The following COL24A1 variants were observed in gnomAD, a reference collection of about 807,000 sequenced individuals.
The protein encoded by COL24A1 is collagen type XXIV alpha 1 chain, also known as collagen alpha-1(XXIV) chain.
COL24A1 carries 224 observed loss-of-function variants against 253.9 expected under a neutral mutation model. The ratio of observed to expected loss-of-function variants is 0.88; its 90% confidence interval spans 0.79 to 0.99. The LOEUF (loss-of-function observed/expected upper bound fraction) is 0.99, where lower values mean the gene tolerates loss of function less well. COL24A1 is among the 50% of genes least tolerant of loss of function. The pLI, the probability that COL24A1 is intolerant of heterozygous loss-of-function variation, is 0.00. For synonymous variants in COL24A1, 685 were observed against 673.7 expected, an observed-to-expected ratio of 1.02 and a Z score of -0.26; for missense variants, 2,131 against 2,068.5, an observed-to-expected ratio of 1.03 and a Z score of -0.59.
intron 33 of COL24A1, 132 bp from the exon 34 acceptor site, chr1:85,875,462 G>T: frequency 1.6e-6 from 1 of 642,638 alleles, no homozygotes. Context: ...AAACTTCATA[G>T]CATAAGAGCA....
In COL24A1 at chr1:85,970,272, CT is replaced by C; in HGVS notation, c.2419-2del. The C allele has an allele frequency of 6.3e-7, 1 of 1,581,916 alleles. No homozygotes were observed. The highest frequency in any genetic ancestry group is 8.6e-7 in the Non-Finnish European group (1 of 1,167,592). On this transcript the variant is annotated splice_acceptor_variant, in intron 21 of 59. Coordinates refer to ENST00000370571, the MANE Select transcript of COL24A1 (RefSeq NM_152890.7). LOFTEE classifies it high-confidence loss of function. The stretch of plus-strand genomic sequence containing the variant: ...AGGCTCCAATTGGTCCTTCTTCTCC[CT>C]TAAAAAAAAAAAAAGTCAGAACATA...
chr1:86,042,110 C>T (rs1197717003), intron 12 of COL24A1, among the ~76,000 whole-genome samples: 1 of 152,050 alleles, frequency 6.6e-6, no homozygotes, highest in African/African-American at 2.4e-5. Context: ...TGAGTATACA[C>T]ATACATTGAC....
intron 43 of COL24A1, among the ~76,000 whole-genome samples, chr1:85,836,409 C>T (rs1007703356): frequency 6.6e-6 from 1 of 152,092 alleles, no homozygotes; most frequent in African/African-American, 2.4e-5. Flanking sequence ...TGTATTTTAT[C>T]CTAATAAAGA....
chr1:86,134,213 T>C (rs1649821739), intron 2 of COL24A1, among the ~76,000 whole-genome samples: 2 of 149,854 alleles, frequency 1.3e-5, no homozygotes, highest in African/African-American at 4.9e-5. Flanking sequence ...TATCATTTTT[T>C]ATTGCGTCTA....
chr1:85,788,326 C>T lies in COL24A1; in HGVS notation c.3952-1865G>A, dbSNP rs183956398. 3.5e-3 allele frequency among the ~76,000 whole-genome samples: 535 copies of T among 152,224 alleles called. 1 individual carries two copies. Among genetic ancestry groups the T allele is most frequent in the Admixed American group, 5.4e-3 (82 of 15,284 alleles). On this transcript the variant is annotated intron_variant, in intron 47 of 59. Coordinates refer to ENST00000370571, the MANE Select transcript of COL24A1 (RefSeq NM_152890.7). ...CAGAATGGTCTTGATCTCCTGACCT[C>T]GTGATCCGCCCATCTCGGCCTCCCA...
At chr1:85,864,077 G>C (rs1425473163) in intron 37 of COL24A1, among the ~76,000 whole-genome samples, 1 of 152,080 alleles carries the variant, frequency 6.6e-6, no homozygotes, top group Non-Finnish European at 1.5e-5. Flanking sequence ...TATAAATCAA[G>C]CTGCTATAAA....
At chr1:85,741,791 T>A (rs767182368) in intron 57 of COL24A1, among the ~76,000 whole-genome samples, 2 of 152,244 alleles carry the variant, frequency 1.3e-5, no homozygotes, top group Non-Finnish European at 2.9e-5. Context: ...TTACTGGGAA[T>A]GAAAAGTTCC....
chr1:86,038,401 C>T (rs1307361506), intron 12 of COL24A1, among the ~76,000 whole-genome samples: 1 of 152,104 alleles, frequency 6.6e-6, no homozygotes, highest in African/African-American at 2.4e-5. Context: ...CAATCTTGAG[C>T]AGTTTCTGTC....
intron 28 of COL24A1, among the ~76,000 whole-genome samples, chr1:85,902,593 CCTGGTGTCAAT>C (rs1684423664): frequency 6.6e-6 from 1 of 152,138 alleles, no homozygotes. Context: ...TGTTAATCTG[CCTGGTGTCAAT>C]CTGGTTTCCA....
chr1:85,840,955 G>A (rs1261133551), intron 42 of COL24A1, among the ~76,000 whole-genome samples: 1 of 152,064 alleles, frequency 6.6e-6, no homozygotes, highest in Admixed American at 6.6e-5. Context: ...TGTAAAAGTT[G>A]TTATCATGCC....
Position 85,970,130 on chromosome 1 carries a change from C to A in COL24A1, c.2463+97G>T, listed in dbSNP as rs958671390. 68 of 1,122,892 alleles carry A rather than the reference C, an allele frequency of 6.1e-5. No homozygotes were observed. In the Middle Eastern group the frequency reaches 1.5e-3, roughly 25 times the overall value. 69.6% of individuals were successfully genotyped at this position (1,122,892 alleles called of 1,614,324 possible). A position where few individuals can be genotyped will look rare whatever the true frequency, so the allele number is the denominator to read the frequency against. ...ACTTTAATTTGTTTTCATTTTTGTC[C>A]TTTACTATAATGTAAAATGTTATGA... On this transcript the variant is annotated intron_variant, in intron 22 of 59. Transcript: ENST00000370571.
intron 2 of COL24A1, among the ~76,000 whole-genome samples, chr1:86,129,239 T>A (rs1251379069): frequency 6.6e-6 from 1 of 151,814 alleles, no homozygotes; most frequent in Non-Finnish European, 1.5e-5. Flanking sequence ...AATCTTCACA[T>A]AATAATCCCT....
chr1:86,057,214 A>G (rs1327058339), intron 10 of COL24A1, among the ~76,000 whole-genome samples: 1 of 151,336 alleles, frequency 6.6e-6, no homozygotes, highest in African/African-American at 2.4e-5. Context: ...TTTCTCTCTT[A>G]CTCCCACTCT....
chr1:85,889,071 C>T (rs111481358), intron 32 of COL24A1, among the ~76,000 whole-genome samples: 15 of 152,162 alleles, frequency 9.9e-5, no homozygotes, highest in African/African-American at 3.1e-4. Flanking sequence ...ATTTATGAAA[C>T]TATTTCATAA....
intron 1 of COL24A1, among the ~76,000 whole-genome samples, chr1:86,151,043 T>G (rs193263520): frequency 7.2e-4 from 109 of 151,332 alleles, no homozygotes; most frequent in African/African-American, 2.4e-3. Context: ...TATATATAGG[T>G]GTGTGTGTGT....
chr1:86,104,595 T>C (rs1236734686), intron 5 of COL24A1, among the ~76,000 whole-genome samples: 1 of 152,230 alleles, frequency 6.6e-6, no homozygotes, highest in East Asian at 1.9e-4. Flanking sequence ...TTTATTGTGA[T>C]ATAAGGCTGG....
chr1:86,113,502 T>C (rs962784679), intron 4 of COL24A1, among the ~76,000 whole-genome samples: 1 of 152,088 alleles, frequency 6.6e-6, no homozygotes, highest in Non-Finnish European at 1.5e-5. Context: ...AATGCAAATA[T>C]TGAAAATGCA....
At chr1:85,997,644 G>A (rs930485647) in intron 19 of COL24A1, among the ~76,000 whole-genome samples, 2 of 151,952 alleles carry the variant, frequency 1.3e-5, no homozygotes, top group African/African-American at 4.8e-5. Flanking sequence ...TTAGCTGGGT[G>A]CGGTGACATG....
intron 7 of COL24A1, among the ~76,000 whole-genome samples, chr1:86,082,860 A>C (rs7514100): frequency 0.34 from 51,422 of 150,922 alleles, 9,141 homozygotes; most frequent in Middle Eastern, 0.49. Context: ...ACCACTTGAG[A>C]CTCCCAAATC....
Sources: gnomAD v4.1 joint callset for allele counts (sites outside exome capture counted in the v4.1 genomes callset) on GRCh38, gnomAD v4.1.1 for gene constraint, MANE v1.5 for transcripts, NCBI Gene and HGNC (gene_info 2026-07-23, HGNC 2026-07-21) for gene names.